Variants in DCC observed in about 807,000 individuals in gnomAD.
The protein encoded by DCC is DCC netrin 1 receptor, also known as netrin receptor DCC.
Under a neutral mutation model 172.5 loss-of-function variants are expected in DCC, and 58 were observed. The ratio of observed to expected loss-of-function variants is 0.34; its 90% CI spans 0.27 to 0.42. The LOEUF is 0.42. Among genes scored for constraint, DCC ranks in the 10% least tolerant of loss-of-function variants. The probability of loss-of-function intolerance (pLI) is 1.00; values close to 1 mark genes in which losing one functional copy is unlikely to be tolerated. For synonymous variants in DCC, 709 were observed against 644.5 expected (o/e 1.10, Z -1.52); for missense variants, 1,740 against 1,791.0 (o/e 0.97, Z 0.51).
rs2040296516 is a variant in DCC at position 52,930,829 on chromosome 18, C to T, written c.985+5459C>T. Among the ~76,000 whole-genome samples, 3 of 152,068 alleles carry T rather than the reference C, an allele frequency of 2.0e-5. No homozygotes were observed. In the South Asian group the frequency reaches 6.2e-4, roughly 31 times the overall value. On this transcript the variant is annotated intron_variant, in intron 5 of 28. Transcript: ENST00000442544. ...TTGCATTTTTACATTTTGCATATGG[C>T]ACCAAATCTTTTTCTTCATGGTTGC...
At chr18:53,341,539 A>G (rs941264379) in intron 15 of DCC, among the ~76,000 whole-genome samples, 11 of 152,232 alleles carry the variant, frequency 7.2e-5, no homozygotes, top group South Asian at 4.1e-4. Flanking sequence ...TTTGCACTCT[A>G]CAACTTACCT....
At chr18:53,191,174 GA>G (rs2055361641) in intron 9 of DCC, among the ~76,000 whole-genome samples, 1 of 152,126 alleles carries the variant, frequency 6.6e-6, no homozygotes, top group Admixed American at 6.5e-5. Flanking sequence ...CTATTCTTCA[GA>G]GGGGTTAATT....
At chr18:52,805,936 A>G (rs2038076253) in intron 2 of DCC, among the ~76,000 whole-genome samples, 1 of 152,198 alleles carries the variant, frequency 6.6e-6, no homozygotes. Context: ...GTACCAAGAA[A>G]TCATTTTAAT....
At chr18:52,391,305 A>G (rs1248502586) in intron 1 of DCC, among the ~76,000 whole-genome samples, 3 of 152,206 alleles carry the variant, frequency 2.0e-5, no homozygotes, top group East Asian at 1.9e-4. Flanking sequence ...CTTCACCATT[A>G]TGGATCTTAA....
intron 12 of DCC, among the ~76,000 whole-genome samples, chr18:53,275,379 C>T (rs2056793281): frequency 2.6e-5 from 4 of 151,960 alleles, no homozygotes. Flanking sequence ...ATTATACTGA[C>T]CTTTGGAAAA....
At chr18:53,149,153 G>T (rs527505457) in intron 7 of DCC, among the ~76,000 whole-genome samples, 7 of 151,866 alleles carry the variant, frequency 4.6e-5, no homozygotes, top group African/African-American at 1.7e-4. Context: ...GAGCCACCAC[G>T]CCCCGCCTCC....
intron 1 of DCC, among the ~76,000 whole-genome samples, chr18:52,580,012 T>G (rs1227737117): frequency 6.6e-6 from 1 of 152,228 alleles, no homozygotes; most frequent in East Asian, 1.9e-4. Flanking sequence ...GGACATATGC[T>G]TTTGCAACTA....
chr18:52,574,803 C>T (rs1427857552), intron 1 of DCC, among the ~76,000 whole-genome samples: 1 of 152,122 alleles, frequency 6.6e-6, no homozygotes, highest in East Asian at 1.9e-4. Context: ...GTTTTCTTTG[C>T]CTCATGCATC....
At chr18:52,935,078 G>A (rs894066150) in intron 5 of DCC, among the ~76,000 whole-genome samples, 3 of 152,204 alleles carry the variant, frequency 2.0e-5, no homozygotes, top group Non-Finnish European at 4.4e-5. Context: ...AGATTCTTTG[G>A]TCTTTTTTAT....
At chr18:53,383,716 A>G (rs1338206840) in intron 15 of DCC, among the ~76,000 whole-genome samples, 1 of 151,546 alleles carries the variant, frequency 6.6e-6, no homozygotes, top group Non-Finnish European at 1.5e-5. Flanking sequence ...AAGAGAGAAA[A>G]AGTACAATTT....
intron 1 of DCC, among the ~76,000 whole-genome samples, chr18:52,505,717 A>G (rs1028962478): frequency 1.3e-5 from 2 of 152,188 alleles, no homozygotes; most frequent in African/African-American, 4.8e-5. Flanking sequence ...TATTTTGCCT[A>G]TCTTGTGGAC....
chr18:53,479,090 C>G (rs189066070), intron 25 of DCC, among the ~76,000 whole-genome samples: 2 of 152,284 alleles, frequency 1.3e-5, no homozygotes, highest in South Asian at 2.1e-4. Context: ...TAGAGCCGTT[C>G]TAGTATGATA....
chr18:52,810,880 C>T (rs542253492), intron 2 of DCC, among the ~76,000 whole-genome samples: 3 of 152,210 alleles, frequency 2.0e-5, no homozygotes, highest in South Asian at 4.2e-4. Flanking sequence ...ACTGGGGGCC[C>T]ACCCCAGTCT....
At chr18:53,066,301 A>G (rs2042565854) in intron 7 of DCC, 135 bp downstream of exon 7, 1 of 740,462 alleles carries the variant, frequency 1.4e-6, no homozygotes, top group African/African-American at 1.9e-5. Flanking sequence ...TAAGGTGTAT[A>G]CTTGTGTATT....
At chr18:52,404,821 C>T (rs1986578559) in intron 1 of DCC, among the ~76,000 whole-genome samples, 1 of 125,086 alleles carries the variant, frequency 8.0e-6, no homozygotes, top group African/African-American at 3.0e-5. Flanking sequence ...CCTCCCCCCA[C>T]CCGACAACAG....
intron 5 of DCC, among the ~76,000 whole-genome samples, chr18:53,049,992 G>T (rs1234003539): frequency 1.3e-5 from 2 of 152,118 alleles, no homozygotes; most frequent in East Asian, 3.9e-4. Flanking sequence ...GTAGCCTTCA[G>T]TCTGTGGCCA....
intron 1 of DCC, among the ~76,000 whole-genome samples, chr18:52,473,129 A>G (rs1988993638): frequency 6.6e-6 from 1 of 152,130 alleles, no homozygotes; most frequent in African/African-American, 2.4e-5. Flanking sequence ...TATTTTTAGA[A>G]GCTTATTTCT....
chr18:52,393,910 T>C (rs1050058858), intron 1 of DCC, among the ~76,000 whole-genome samples: 1 of 152,084 alleles, frequency 6.6e-6, no homozygotes, highest in Admixed American at 6.6e-5. Context: ...GGTTCCATGA[T>C]TTTTGCAATT....
intron 2 of DCC, among the ~76,000 whole-genome samples, chr18:52,810,501 AAG>A (rs1427799320): frequency 1.3e-5 from 2 of 152,194 alleles, no homozygotes; most frequent in Non-Finnish European, 2.9e-5. Flanking sequence ...GAGGGCAAAG[AAG>A]AATTTTAGTG....
Sources: allele counts gnomAD v4.1 joint callset (sites outside exome capture counted in the v4.1 genomes callset), GRCh38; gene constraint gnomAD v4.1.1; transcripts MANE v1.5; gene names NCBI Gene and HGNC (gene_info 2026-07-23, HGNC 2026-07-21).